The following SIPA1L2 variants were observed in gnomAD, a reference collection of about 807,000 sequenced individuals.
The protein encoded by SIPA1L2 is signal induced proliferation associated 1 like 2.
SIPA1L2 carries 56 observed loss-of-function variants against 163.9 expected under a neutral mutation model. That is an observed-to-expected ratio of 0.34 (90% confidence interval 0.28 to 0.43). The LOEUF is 0.43. SIPA1L2 is among the 20% of genes least tolerant of loss of function. The pLI, the probability that SIPA1L2 is intolerant of heterozygous loss-of-function variation, is 1.00. For synonymous variants in SIPA1L2, 877 were observed against 865.7 expected (o/e 1.01, Z -0.23); for missense variants, 1,974 against 2,193.5 (o/e 0.90, Z 2.00).
chr1:232,559,778 A>G (rs1558267970), intron 2 of SIPA1L2, among the ~76,000 whole-genome samples: 2 of 152,218 alleles, frequency 1.3e-5, no homozygotes, highest in African/African-American at 4.8e-5. Flanking sequence ...AAAACAAAGA[A>G]GCCTTGGTTC....
chr1:232,483,317 G>C (rs1010570458), intron 6 of SIPA1L2, among the ~76,000 whole-genome samples: 8 of 151,724 alleles, frequency 5.3e-5, no homozygotes, highest in South Asian at 2.1e-4. Context: ...GATATTGTGT[G>C]AAGATGCATT....
chr1:232,502,298 C>T (rs1205611845), intron 3 of SIPA1L2, among the ~76,000 whole-genome samples: 1 of 152,092 alleles, frequency 6.6e-6, no homozygotes, highest in Non-Finnish European at 1.5e-5. Context: ...AACAAAAGAG[C>T]GCACATAAAA....
Position 232,441,872 on chromosome 1 carries a change from A to G in SIPA1L2, c.3438-4T>C. ...GAGCAGTAGAGGGGACTGGCACCTG[A>G]AAAGAACACAGAGTTGAGCCTGTCC... On this transcript the variant is annotated splice_region_variant and splice_polypyrimidine_tract_variant and intron_variant, in intron 12 of 22. Coordinates refer to ENST00000674635, the MANE Select transcript of SIPA1L2 (RefSeq NM_020808.5). 6.2e-7 allele frequency: 1 copy of G among 1,609,370 alleles called. No individual in the cohort carries two copies. The highest frequency in any genetic ancestry group is 1.3e-5 in the African/African-American group (1 of 74,988).
intron 5 of SIPA1L2, among the ~76,000 whole-genome samples, chr1:232,490,116 T>C (rs1463773804): frequency 1.3e-5 from 2 of 152,132 alleles, no homozygotes; most frequent in African/African-American, 4.8e-5. Flanking sequence ...TCAAGGGCAA[T>C]CTCCTTGGCC....
Position 232,630,064 on chromosome 1 carries a change from G to A in SIPA1L2, c.-514C>T, listed in dbSNP as rs1455676190. On this transcript the variant is annotated 5_prime_UTR_variant, in exon 1 of 23. Transcript: ENST00000674635. ...CTCGGCCTGCGCTCGGGCGGCCGGC[G>A]GGGGCGCGGTGCTCCTCCTCCGTCC... is the stretch of plus-strand genomic sequence containing the variant. Among the ~76,000 whole-genome samples the A allele has an allele frequency of 1.3e-5, 2 of 150,116 alleles. No homozygotes were observed. The highest frequency in any genetic ancestry group is 4.1e-4 in the South Asian group (2 of 4,828).
chr1:232,410,695 C>A (rs946453668), intron 19 of SIPA1L2, among the ~76,000 whole-genome samples: 1 of 152,068 alleles, frequency 6.6e-6, no homozygotes, highest in Non-Finnish European at 1.5e-5. Flanking sequence ...GGGCCTTTGA[C>A]CGTTTCTTAT....
intron 19 of SIPA1L2, among the ~76,000 whole-genome samples, chr1:232,414,352 C>G (rs1572860920): frequency 6.6e-6 from 1 of 152,132 alleles, no homozygotes; most frequent in Non-Finnish European, 1.5e-5. Flanking sequence ...CACCATCGGG[C>G]CTCCCTAACG....
chr1:232,551,124 G>A (rs1201476025), intron 2 of SIPA1L2, among the ~76,000 whole-genome samples: 2 of 152,212 alleles, frequency 1.3e-5, no homozygotes, highest in African/African-American at 4.8e-5. Flanking sequence ...TCTGTAAAGA[G>A]TTAATGAAGC....
chr1:232,461,215 G>A, intron 9 of SIPA1L2, 54 bp from the exon 10 acceptor site: 2 of 1,584,534 alleles, frequency 1.3e-6, no homozygotes, highest in Non-Finnish European at 8.6e-7. Flanking sequence ...CTGCCATGGG[G>A]CTCTGCCAAA....
At chr1:232,404,057 C>A (rs1660501333) in intron 20 of SIPA1L2, 68 bp downstream of exon 20, 2 of 1,563,022 alleles carry the variant, frequency 1.3e-6, no homozygotes, top group Non-Finnish European at 1.8e-6. Flanking sequence ...TGCAGACGTG[C>A]AGACACATGA....
At chr1:232,619,450 C>A (rs1358791526) in intron 1 of SIPA1L2, among the ~76,000 whole-genome samples, 1 of 152,250 alleles carries the variant, frequency 6.6e-6, no homozygotes, top group Non-Finnish European at 1.5e-5. Context: ...GTGCATTCAT[C>A]ACCTAATAAG....
At chr1:232,504,224 A>G (rs773983301) in intron 3 of SIPA1L2, among the ~76,000 whole-genome samples, 1 of 151,410 alleles carries the variant, frequency 6.6e-6, no homozygotes, top group South Asian at 2.1e-4. Flanking sequence ...AACAACAACA[A>G]CAACAACAAA....
At chr1:232,409,931 T>C (rs1660853592) in intron 19 of SIPA1L2, among the ~76,000 whole-genome samples, 2 of 152,220 alleles carry the variant, frequency 1.3e-5, no homozygotes, top group African/African-American at 2.4e-5. Context: ...TTTGAAATTA[T>C]ACTTATAAAA....
intron 15 of SIPA1L2, among the ~76,000 whole-genome samples, chr1:232,433,612 A>T (rs1662377517): frequency 6.6e-6 from 1 of 152,254 alleles, no homozygotes; most frequent in Admixed American, 6.5e-5. Context: ...AGCTAAGGCC[A>T]GAAGGACTAC....
At chr1:232,581,870 C>T (rs1341362465) in intron 1 of SIPA1L2, among the ~76,000 whole-genome samples, 1 of 152,174 alleles carries the variant, frequency 6.6e-6, no homozygotes, top group East Asian at 1.9e-4. Flanking sequence ...ACAAAACTTT[C>T]TCAGACATTT....
intron 10 of SIPA1L2, among the ~76,000 whole-genome samples, chr1:232,459,876 T>C (rs962783797): frequency 6.6e-6 from 1 of 152,194 alleles, no homozygotes; most frequent in East Asian, 1.9e-4. Flanking sequence ...TCTAAGTGCT[T>C]TACATGTGTT....
chr1:232,614,420 T>C (rs191074191), intron 1 of SIPA1L2, among the ~76,000 whole-genome samples: 86 of 152,316 alleles, frequency 5.6e-4, no homozygotes, highest in Admixed American at 5.6e-3. Context: ...TTTATATACA[T>C]TTGATCTAAC....
At chr1:232,400,881 G>C (rs1660296574) in intron 22 of SIPA1L2, among the ~76,000 whole-genome samples, 1 of 151,942 alleles carries the variant, frequency 6.6e-6, no homozygotes, top group Non-Finnish European at 1.5e-5. Context: ...AAAGTTTCAA[G>C]TTCCTACTTC....
Position 232,443,605 on chromosome 1 carries a change from T to C in SIPA1L2, c.3434A>G (p.Asp1145Gly). The part of the protein sequence containing the change: ...SGPWRPQVGY[D>G]GCQSPLLLEH... ...CTAAGATAAAAATGAACAGTACCCG[T>C]CGTAGCCCACTTGTGGTCTCCAGGG... The change falls in exon 12 of 23, where the codon GAC becomes GGC. Residue 1145 changes from aspartate to glycine, a missense_variant. Asp to Gly is a moderately conservative substitution (Grantham distance 94). Around this residue, in one of 3 missense-constraint regions of SIPA1L2, gnomAD observed 1,079 missense variants for 1,150.7 expected, o/e 0.94. Coordinates refer to ENST00000674635, the MANE Select transcript of SIPA1L2 (RefSeq NM_020808.5). 6.2e-7 allele frequency: 1 copy of C among 1,602,392 alleles called. No homozygotes were observed. The highest frequency in any genetic ancestry group is 8.5e-7 in the Non-Finnish European group (1 of 1,174,930).
Sources: gnomAD v4.1 joint callset for allele counts (sites outside exome capture counted in the v4.1 genomes callset) on GRCh38, gnomAD v4.1.1 for gene constraint, gnomAD v4.1.1 regional missense constraint, MANE v1.5 for transcripts, NCBI Gene and HGNC (gene_info 2026-07-23, HGNC 2026-07-21) for gene names.